The following CSMD1 variants were observed in gnomAD, a reference collection of about 807,000 sequenced individuals.
CSMD1 encodes the protein CUB and sushi domain-containing protein 1.
In CSMD1, 213 loss-of-function variants were observed where a neutral mutation model predicts 417.5. The observed-to-expected ratio is 0.51, with a 90% CI of 0.46 to 0.57. The LOEUF (loss-of-function observed/expected upper bound fraction) is 0.57. Ranked by LOEUF, CSMD1 falls within the 20% of genes least tolerant of loss-of-function variation. The probability of loss-of-function intolerance (pLI) is 0.00; values close to 1 mark genes in which losing one functional copy is unlikely to be tolerated. For missense variants in CSMD1, 6,923 were observed against 4,529.7 expected, an observed-to-expected ratio of 1.53 and a Z score of -15.17; for synonymous variants, 2,862 against 1,736.8, an observed-to-expected ratio of 1.65 and a Z score of -16.11.
chr8:4,839,450 A>G (rs1004729057), intron 1 of CSMD1, among the ~76,000 whole-genome samples: 2 of 152,238 alleles, frequency 1.3e-5, no homozygotes, highest in Admixed American at 1.3e-4. Flanking sequence ...AAAAGTTGCT[A>G]GACATTTAGA....
At chr8:3,996,587 T>C (rs1284637807) in intron 5 of CSMD1, among the ~76,000 whole-genome samples, 3 of 152,152 alleles carry the variant, frequency 2.0e-5, no homozygotes, top group East Asian at 1.9e-4. Context: ...ATGTTAGACA[T>C]AGCGAGATAG....
At chr8:4,664,582 T>A (rs1194195419) in intron 1 of CSMD1, among the ~76,000 whole-genome samples, 1 of 151,982 alleles carries the variant, frequency 6.6e-6, no homozygotes, top group Non-Finnish European at 1.5e-5. Flanking sequence ...AATAAATAAA[T>A]AACAAAAATA....
At chr8:4,450,136 C>A (rs1166856354) in intron 2 of CSMD1, among the ~76,000 whole-genome samples, 1 of 152,104 alleles carries the variant, frequency 6.6e-6, no homozygotes, top group Non-Finnish European at 1.5e-5. Context: ...CCATTGTTTT[C>A]CAAATTACAA....
At chr8:3,192,625 G>C (rs1585612830) in intron 33 of CSMD1, among the ~76,000 whole-genome samples, 2 of 152,314 alleles carry the variant, frequency 1.3e-5, no homozygotes, top group Middle Eastern at 6.8e-3. Context: ...CAACGGAGAA[G>C]TCCTGGTGGG....
intron 1 of CSMD1, among the ~76,000 whole-genome samples, chr8:4,958,114 A>G (rs1809242674): frequency 6.6e-6 from 1 of 152,102 alleles, no homozygotes; most frequent in South Asian, 2.1e-4. Flanking sequence ...CTCAAATTCT[A>G]TGAGGTCTTT....
chr8:3,455,132 G>T (rs1267427919), intron 12 of CSMD1, among the ~76,000 whole-genome samples: 1 of 152,080 alleles, frequency 6.6e-6, no homozygotes, highest in East Asian at 1.9e-4. Flanking sequence ...CATTCATCAG[G>T]TAGTTCTCCT....
chr8:4,826,559 A>T (rs964755187), intron 1 of CSMD1, among the ~76,000 whole-genome samples: 1 of 152,156 alleles, frequency 6.6e-6, no homozygotes, highest in Non-Finnish European at 1.5e-5. Flanking sequence ...CGTAGTGACC[A>T]AGTTAGCGTA....
chr8:4,726,855 T>C lies in CSMD1; in HGVS notation c.86-89297A>G, dbSNP rs762899166. ...TGAAGATGCAAATGACCTGAAAAGC[T>C]GAAATAGTATTGAGTTTCAAAAACA... On this transcript the variant is annotated intron_variant, in intron 1 of 69. Transcript: ENST00000635120. Among the ~76,000 whole-genome samples, 7 of 152,162 alleles carry C rather than the reference T, an allele frequency of 4.6e-5. 1 individual carries two copies. Among genetic ancestry groups the C allele is most frequent in the Admixed American group, 1.3e-4 (2 of 15,268 alleles).
At chr8:3,917,905 A>T (rs1481195817) in intron 5 of CSMD1, among the ~76,000 whole-genome samples, 1 of 152,134 alleles carries the variant, frequency 6.6e-6, no homozygotes, top group East Asian at 1.9e-4. Context: ...TGAAAATTTA[A>T]AGTTCTCAGT....
intron 3 of CSMD1, among the ~76,000 whole-genome samples, chr8:4,208,760 A>G (rs969512425): frequency 1.3e-5 from 2 of 152,236 alleles, no homozygotes; most frequent in African/African-American, 4.8e-5. Context: ...ATTGTCGTGG[A>G]AATTTTGTAT....
At chr8:3,569,588 T>G (rs1799862066) in intron 10 of CSMD1, among the ~76,000 whole-genome samples, 1 of 152,200 alleles carries the variant, frequency 6.6e-6, no homozygotes, top group South Asian at 2.1e-4. Context: ...TCCAAAATGC[T>G]TCACTGATGC....
intron 5 of CSMD1, among the ~76,000 whole-genome samples, chr8:3,801,600 G>A (rs1466229373): frequency 6.6e-6 from 1 of 151,554 alleles, no homozygotes; most frequent in Non-Finnish European, 1.5e-5. Flanking sequence ...TACCCTGTGA[G>A]TAAAGAATTC....
intron 1 of CSMD1, among the ~76,000 whole-genome samples, chr8:4,900,417 A>T (rs1424592214): frequency 6.6e-6 from 1 of 152,020 alleles, no homozygotes; most frequent in East Asian, 1.9e-4. Context: ...ATCTATCACC[A>T]ATTTCTGGAG....
At chr8:3,868,095 G>C (rs529933030) in intron 5 of CSMD1, among the ~76,000 whole-genome samples, 2 of 151,948 alleles carry the variant, frequency 1.3e-5, no homozygotes, top group Admixed American at 6.6e-5. Context: ...TTAATTCCTT[G>C]CATGCACAGT....
chr8:3,796,692 G>A (rs148644166), intron 5 of CSMD1, among the ~76,000 whole-genome samples: 2 of 150,538 alleles, frequency 1.3e-5, no homozygotes, highest in Non-Finnish European at 3.0e-5. Flanking sequence ...TGGAAGGTTA[G>A]AAAAGATGAG....
chr8:4,349,820 C>T (rs532203400), intron 3 of CSMD1, among the ~76,000 whole-genome samples: 2 of 139,442 alleles, frequency 1.4e-5, no homozygotes, highest in South Asian at 4.5e-4. Context: ...ATGATATGAC[C>T]TTTTTTTTTT....
At chr8:4,938,254 A>G (rs1281823495) in intron 1 of CSMD1, among the ~76,000 whole-genome samples, 1 of 152,192 alleles carries the variant, frequency 6.6e-6, no homozygotes, top group African/African-American at 2.4e-5. Flanking sequence ...GATTTCAATA[A>G]TTTCCAAAAC....
At chr8:4,728,192 CGT>C in intron 1 of CSMD1, among the ~76,000 whole-genome samples, 1 of 146,144 alleles carries the variant, frequency 6.8e-6, no homozygotes, top group Non-Finnish European at 1.5e-5. Flanking sequence ...TTTATATATT[CGT>C]ATATTTATAT....
chr8:3,486,155 A>G (rs1160692407), intron 11 of CSMD1, among the ~76,000 whole-genome samples: 6 of 152,182 alleles, frequency 3.9e-5, no homozygotes, highest in African/African-American at 1.4e-4. Flanking sequence ...TTCATTTTCA[A>G]ATTTGATTCT....
Sources: allele counts gnomAD v4.1 joint callset (sites outside exome capture counted in the v4.1 genomes callset), GRCh38; gene constraint gnomAD v4.1.1; transcripts MANE v1.5; gene names NCBI Gene and HGNC (gene_info 2026-07-23, HGNC 2026-07-21).